SPMIP4: variants seen among roughly 807,000 people sequenced by gnomAD.
SPMIP4 encodes sperm microtubule inner protein 4.
the SPMIP4 span, chr7:25,151,715 A>G: frequency 7.9e-7 from 1 of 1,269,558 alleles, no homozygotes; most frequent in Non-Finnish European, 1.1e-6. Flanking sequence ...AATAAATAAG[A>G]ACAGTCTTTT....
chr7:25,146,982 C>G, the SPMIP4 span, among the ~76,000 whole-genome samples: 10 of 152,104 alleles, frequency 6.6e-5, no homozygotes, highest in Admixed American at 4.6e-4. Context: ...AACCAACAGC[C>G]CAGAAGAGTC....
the SPMIP4 span, chr7:25,168,404 ACT>A: frequency 1.9e-6 from 3 of 1,611,342 alleles, no homozygotes; most frequent in African/African-American, 1.3e-5. Flanking sequence ...ATCCCACCAT[ACT>A]CTCTTTCAGC....
chr7:25,127,282 A>C, the SPMIP4 span, among the ~76,000 whole-genome samples: 2 of 152,036 alleles, frequency 1.3e-5, no homozygotes, highest in African/African-American at 4.8e-5. Flanking sequence ...TTCTACCCTG[A>C]TCTCTCTCTC....
chr7:25,160,519 G>C, the SPMIP4 span, among the ~76,000 whole-genome samples: 1 of 152,112 alleles, frequency 6.6e-6, no homozygotes, highest in Admixed American at 6.5e-5. Flanking sequence ...GGCTGGTCTT[G>C]AACTCCTGAC....
At chr7:25,151,525 G>T in the SPMIP4 span, 4 of 988,594 alleles carry the variant, frequency 4.0e-6, no homozygotes, top group Non-Finnish European at 6.2e-6. Flanking sequence ...GTCAAGCCTA[G>T]ATTTTTATAA....
chr7:25,130,348 T>G, the SPMIP4 span, among the ~76,000 whole-genome samples: 2 of 150,388 alleles, frequency 1.3e-5, no homozygotes. Flanking sequence ...GTTTCGCTCT[T>G]GTTGCCCAAG....
chr7:25,179,394 T>C, the SPMIP4 span: 6 of 1,468,754 alleles, frequency 4.1e-6, no homozygotes, highest in Non-Finnish European at 2.8e-6. Context: ...AAACACATTT[T>C]ACACTGCTAA....
the SPMIP4 span, chr7:25,125,968 C>T: frequency 1.2e-5 from 12 of 985,134 alleles, no homozygotes; most frequent in Admixed American, 1.8e-4. Context: ...ACAGGATTAT[C>T]CCTCTGGAAC....
the SPMIP4 span, chr7:25,155,056 T>C: frequency 6.2e-7 from 1 of 1,614,066 alleles, no homozygotes; most frequent in Admixed American, 1.7e-5. Context: ...GTTGGCACCG[T>C]GGGAGGAAAG....
the SPMIP4 span, among the ~76,000 whole-genome samples, chr7:25,158,120 T>C: frequency 8.6e-4 from 131 of 152,240 alleles, no homozygotes; most frequent in African/African-American, 3.0e-3. Flanking sequence ...TGTGATCCAG[T>C]ACTTTGGGAG....
the SPMIP4 span, among the ~76,000 whole-genome samples, chr7:25,131,944 C>G: frequency 6.6e-6 from 1 of 152,194 alleles, no homozygotes; most frequent in Non-Finnish European, 1.5e-5. The surrounding 1 kb of genome is among the most constrained non-coding windows in gnomAD (Gnocchi z 4.2). Context: ...AGCGGCGGGT[C>G]TGCGACGGCG....
At chr7:25,170,193 A>T in the SPMIP4 span, among the ~76,000 whole-genome samples, 8 of 152,304 alleles carry the variant, frequency 5.3e-5, no homozygotes, top group South Asian at 1.7e-3. Flanking sequence ...CATCTTTGCC[A>T]ACACTTGCTA....
At chr7:25,142,772 T>G in the SPMIP4 span, 1 of 1,580,384 alleles carries the variant, frequency 6.3e-7, no homozygotes, top group Non-Finnish European at 8.5e-7. Flanking sequence ...TTAGGAGGTT[T>G]TGGGTAGAAT....
chr7:25,136,904 G>GA, the SPMIP4 span: 1 of 1,028,330 alleles, frequency 9.7e-7, no homozygotes, highest in African/African-American at 1.6e-5. The surrounding 1 kb of genome is among the most constrained non-coding windows in gnomAD (Gnocchi z 5.7). Flanking sequence ...ATGGGCATAG[G>GA]AGTGTACATT....
At chr7:25,160,452 T>A in the SPMIP4 span, among the ~76,000 whole-genome samples, 19 of 152,160 alleles carry the variant, frequency 1.2e-4, no homozygotes, top group Middle Eastern at 3.4e-3. Flanking sequence ...CCGCCTGCCA[T>A]CACGCCCAGC....
the SPMIP4 span, among the ~76,000 whole-genome samples, chr7:25,158,106 C>G: frequency 3.3e-5 from 5 of 152,186 alleles, no homozygotes; most frequent in Non-Finnish European, 7.3e-5. Flanking sequence ...CTGTGGCTCA[C>G]GCCTGTGATC....
chr7:25,163,168 T>C, the SPMIP4 span, among the ~76,000 whole-genome samples: 2 of 152,188 alleles, frequency 1.3e-5, no homozygotes, highest in Non-Finnish European at 1.5e-5. The surrounding 1 kb of genome is among the most constrained non-coding windows in gnomAD (Gnocchi z 4.4). Context: ...AAAGAATACA[T>C]GACGGCTAAT....
At chr7:25,167,406 G>C in the SPMIP4 span, among the ~76,000 whole-genome samples, 26 of 152,240 alleles carry the variant, frequency 1.7e-4, no homozygotes, top group African/African-American at 6.0e-4. Context: ...AGTTCCATGA[G>C]AGCGTGGGCT....
At chr7:25,128,562 T>C in the SPMIP4 span, among the ~76,000 whole-genome samples, 1 of 152,164 alleles carries the variant, frequency 6.6e-6, no homozygotes, top group Non-Finnish European at 1.5e-5. The surrounding 1 kb of genome is among the most constrained non-coding windows in gnomAD (Gnocchi z 4.5). Context: ...TTGTGATAAA[T>C]GCTATTAGTC....
Sources: allele counts gnomAD v4.1 joint callset (sites outside exome capture counted in the v4.1 genomes callset), GRCh38; gene constraint gnomAD v4.1.1; non-coding constraint Gnocchi (gnomAD v3.1); transcripts MANE v1.5; gene names NCBI Gene and HGNC (gene_info 2026-07-23, HGNC 2026-07-21).